The following CUBN variants were observed in gnomAD, a reference collection of about 807,000 sequenced individuals.
CUBN encodes the protein 460 kDa receptor.
A neutral mutation model predicts 405.3 loss-of-function variants in CUBN; 282 were observed. The ratio of observed to expected loss-of-function variants is 0.70; its 90% CI spans 0.63 to 0.77. CUBN has a LOEUF of 0.77. Among genes scored for constraint, CUBN ranks in the 30% least tolerant of loss-of-function variants. The pLI, the probability that CUBN is intolerant of heterozygous loss-of-function variation, is 0.00. For missense variants in CUBN, 4,514 were observed against 4,475.2 expected (o/e 1.01, Z -0.25); for synonymous variants, 1,684 against 1,617.0 (o/e 1.04, Z -0.99).
chr10:17,052,620 C>T (rs528612082), intron 22 of CUBN, among the ~76,000 whole-genome samples: 4 of 151,350 alleles, frequency 2.6e-5, no homozygotes, highest in Admixed American at 6.6e-5. Flanking sequence ...ATTAGCCAGG[C>T]GTGCTGGTGC....
chr10:16,857,172 G>C (rs902846726), intron 59 of CUBN, among the ~76,000 whole-genome samples: 1 of 152,146 alleles, frequency 6.6e-6, no homozygotes, highest in Non-Finnish European at 1.5e-5. Flanking sequence ...CAAGAAAAAA[G>C]TTAGTAGTTT....
intron 28 of CUBN, among the ~76,000 whole-genome samples, chr10:16,998,982 C>T (rs1833807542): frequency 6.6e-6 from 1 of 152,088 alleles, no homozygotes; most frequent in Admixed American, 6.6e-5. Flanking sequence ...CCATTTTATT[C>T]GACTAATTTC....
intron 22 of CUBN, 52 bp from the exon 23 acceptor site, chr10:17,047,655 T>C: frequency 6.8e-7 from 1 of 1,463,612 alleles, no homozygotes; most frequent in Non-Finnish European, 9.6e-7. Flanking sequence ...TTGATATGTT[T>C]ATAATACATC....
chr10:16,990,197 C>T lies in CUBN; in HGVS notation c.4350+137G>A, dbSNP rs934333884. On this transcript the variant is annotated intron_variant, in intron 29 of 66. Transcript: ENST00000377833. The stretch of plus-strand genomic sequence containing the variant: ...AATCCCATGTCTACCAAATGATCAC[C>T]GAAGGGCTGATGCTCATTAAAATGT... 1.4e-4 allele frequency: 126 copies of T among 880,446 alleles called. 1 individual carries two copies. The highest frequency in any genetic ancestry group is 1.2e-3 in the Admixed American group (63 of 52,732). 54.5% of individuals were successfully genotyped at this position (880,446 alleles called of 1,614,324 possible).
intron 31 of CUBN, among the ~76,000 whole-genome samples, chr10:16,973,173 C>T (rs891223055): frequency 6.6e-6 from 1 of 152,200 alleles, no homozygotes; most frequent in Non-Finnish European, 1.5e-5. Flanking sequence ...AGGGACAACA[C>T]TCTCATTTTT....
At chr10:16,920,167 T>C in intron 43 of CUBN, 30 bp from the exon 44 acceptor site, 2 of 1,611,660 alleles carry the variant, frequency 1.2e-6, no homozygotes, top group South Asian at 1.1e-5. Flanking sequence ...AATCAGTCTA[T>C]GATCTGGTGA....
chr10:17,124,644 G>A lies in CUBN; in HGVS notation c.388-955C>T, dbSNP rs1018965487. ...GGGGTTTCACCGTGTTAGCCAGGAT[G>A]GTCTCGATCTCCTGACCTCGTGATC... is the stretch of plus-strand genomic sequence containing the variant. On this transcript the variant is annotated intron_variant, in intron 4 of 66. Transcript: ENST00000377833. Among the ~76,000 whole-genome samples the A allele has an allele frequency of 7.2e-5, 11 of 151,920 alleles. No individual in the cohort carries two copies. The East Asian group carries it at 1.9e-3, about 27-fold the overall frequency.
intron 31 of CUBN, among the ~76,000 whole-genome samples, chr10:16,976,650 C>A (rs980033435): frequency 1.3e-5 from 2 of 152,076 alleles, no homozygotes; most frequent in Non-Finnish European, 2.9e-5. Flanking sequence ...TTCCATATAT[C>A]TCTCTTTTCC....
chr10:16,829,186 C>G (rs1838891068), intron 65 of CUBN, 146 bp from the exon 66 acceptor site: 2 of 697,966 alleles, frequency 2.9e-6, no homozygotes, highest in Non-Finnish European at 5.1e-6. Context: ...TTTTCCTCTT[C>G]TTTGGGCTAC....
intron 31 of CUBN, among the ~76,000 whole-genome samples, chr10:16,961,958 C>T (rs1005908502): frequency 1.3e-5 from 2 of 152,186 alleles, no homozygotes; most frequent in Non-Finnish European, 2.9e-5. Flanking sequence ...GTGATCCGCC[C>T]GCCTCAGCCT....
chr10:16,902,448 T>C (rs1421537238), intron 51 of CUBN, among the ~76,000 whole-genome samples: 1 of 150,622 alleles, frequency 6.6e-6, no homozygotes, highest in Non-Finnish European at 1.5e-5. Context: ...TTCCATACGG[T>C]ATTAGCATAG....
At chr10:16,830,897 G>A (rs1344689902) in intron 65 of CUBN, among the ~76,000 whole-genome samples, 2 of 152,078 alleles carry the variant, frequency 1.3e-5, no homozygotes, top group African/African-American at 4.8e-5. Flanking sequence ...GACCAGCCTG[G>A]CCAATATGGG....
chr10:17,111,132 A>G (rs1836763144), intron 8 of CUBN, 82 bp from the exon 9 acceptor site: 5 of 1,431,158 alleles, frequency 3.5e-6, no homozygotes, highest in Non-Finnish European at 4.9e-6. Flanking sequence ...ACATATAAAA[A>G]CCTTCTCCAC....
intron 26 of CUBN, 147 bp from the exon 27 acceptor site, chr10:17,041,367 TAC>T (rs1200802289): frequency 6.1e-6 from 4 of 659,140 alleles, no homozygotes; most frequent in South Asian, 3.5e-5. Context: ...TGTGTATATA[TAC>T]ACACACAGAG....
rs770042422 is a variant in CUBN, at chr10:16,836,290, G to A, written c.10125C>T (p.Phe3375=). ...YSSMSTAMVI[F]KSGVVNRNSR... Reference sequence around the variant, plus strand: ...AGTTTCTGTTTACAACTCCAGATTTGAAAATGACCATTGCAGTACTCATAG... The same window carrying A: ...AGTTTCTGTTTACAACTCCAGATTTAAAAATGACCATTGCAGTACTCATAG... The change falls in exon 63 of 67, where the codon TTC becomes TTT. Residue 3375 remains phenylalanine (F), a synonymous_variant. Coordinates refer to ENST00000377833, the MANE Select transcript of CUBN (RefSeq NM_001081.4). 4 of 1,613,772 alleles carry A rather than the reference G, an allele frequency of 2.5e-6. No individual in the cohort carries two copies. The South Asian group carries it at 4.4e-5, about 18-fold the overall frequency.
intron 19 of CUBN, among the ~76,000 whole-genome samples, chr10:17,069,279 T>C (rs1835683563): frequency 6.6e-6 from 1 of 152,350 alleles, no homozygotes; most frequent in South Asian, 2.1e-4. Flanking sequence ...TTATAGATGA[T>C]GACTGTAGAT....
At chr10:17,015,426 A>T (rs1452173191) in intron 28 of CUBN, among the ~76,000 whole-genome samples, 1 of 152,234 alleles carries the variant, frequency 6.6e-6, no homozygotes, top group Non-Finnish European at 1.5e-5. Context: ...ACAAGAAGGC[A>T]TGTGAAAAGA....
At chr10:16,833,371 G>A (rs1051727971) in intron 64 of CUBN, among the ~76,000 whole-genome samples, 3 of 152,230 alleles carry the variant, frequency 2.0e-5, no homozygotes, top group South Asian at 2.1e-4. Flanking sequence ...GTCTCCTGTC[G>A]TGGCGAGTAT....
rs539526246 is a variant in CUBN, at chr10:17,054,843, G to A, written c.3140-7240C>T. On this transcript the variant is annotated intron_variant, in intron 22 of 66. Coordinates refer to ENST00000377833, the MANE Select transcript of CUBN (RefSeq NM_001081.4). The stretch of plus-strand genomic sequence containing the variant: ...AAACCTTCCTACAAAGAAAACTACA[G>A]GCTCAAATAATTTCACTGGTGGAAT... Among the ~76,000 whole-genome samples the A allele has an allele frequency of 9.1e-4, 138 of 152,020 alleles. 2 individuals carry two copies. The highest frequency in any genetic ancestry group is 1.6e-3 in the Non-Finnish European group (109 of 67,946).
Sources: gnomAD v4.1 joint callset for allele counts (sites outside exome capture counted in the v4.1 genomes callset) on GRCh38, gnomAD v4.1.1 for gene constraint, MANE v1.5 for transcripts, NCBI Gene and HGNC (gene_info 2026-07-23, HGNC 2026-07-21) for gene names.